NIN: variants seen among roughly 807,000 people sequenced by gnomAD.
The protein encoded by NIN is ninein.
A neutral mutation model predicts 257.6 loss-of-function variants in NIN; 137 were observed. The ratio of observed to expected loss-of-function variants is 0.53; its 90% CI spans 0.46 to 0.61. The LOEUF is 0.61. Among genes scored for constraint, NIN ranks in the 20% least tolerant of loss-of-function variants. The pLI is 0.00. For synonymous variants in NIN, 918 were observed against 919.8 expected (o/e 1.00, Z 0.04); for missense variants, 2,439 against 2,501.2 (o/e 0.98, Z 0.53).
chr14:50,792,709 T>C lies in NIN; in HGVS notation c.435+3A>G. The C allele has an allele frequency of 6.2e-7, 1 of 1,614,138 alleles. No homozygotes were observed. The highest frequency in any genetic ancestry group is 8.5e-7 in the Non-Finnish European group (1 of 1,180,022). ...AGATGAACGTGCATGCCCGATTCCT[T>C]ACCTCACTGCAGTCACCGGCTGGGA... On this transcript the variant is annotated splice_donor_region_variant and intron_variant, in intron 5 of 30. Coordinates refer to ENST00000530997, the MANE Select transcript of NIN (RefSeq NM_020921.4).
At chr14:50,759,011 G>A (rs894198843) in intron 17 of NIN, among the ~76,000 whole-genome samples, 2 of 152,248 alleles carry the variant, frequency 1.3e-5, no homozygotes, top group Middle Eastern at 3.4e-3. Flanking sequence ...TTAAGCATGC[G>A]TTATAGGATA....
At chr14:50,734,066 ATTTCTTCTT>A (rs1481949996) in intron 28 of NIN, among the ~76,000 whole-genome samples, 2 of 148,990 alleles carry the variant, frequency 1.3e-5, no homozygotes, top group Non-Finnish European at 3.0e-5. Context: ...AAATAGCTCC[ATTTCTTCTT>A]TTTCTTCTTT....
At chr14:50,741,772 G>T in intron 24 of NIN, 44 bp from the exon 25 acceptor site, 2 of 1,599,304 alleles carry the variant, frequency 1.3e-6, no homozygotes, top group Non-Finnish European at 8.5e-7. Flanking sequence ...AAACTCTTGT[G>T]GTCTCACCTC....
At chr14:50,725,799 G>A in intron 30 of NIN, 154 bp downstream of exon 30, 1 of 1,388,480 alleles carries the variant, frequency 7.2e-7, no homozygotes, top group Non-Finnish European at 9.9e-7. Context: ...GTGATATGAG[G>A]GATAGCAAAT....
chr14:50,752,578 C>G lies in NIN; in HGVS notation c.4890G>C (p.Leu1630Phe). The change falls in exon 21 of 31, where the codon TTG becomes TTC. Residue 1630 changes from leucine to phenylalanine, a missense_variant. Leu to Phe is a conservative substitution (Grantham distance 22). Around this residue, in one of 3 missense-constraint regions of NIN, gnomAD observed 2,043 missense variants for 2,050.2 expected, o/e 1.00. Transcript: ENST00000530997. ...QKEKEPGNSA[L>F]EEREQEKFNL... ...TAAACTTCTCTTGTTCCCGTTCCTC[C>G]AATGCACTGTTTCCTGGCTCTTTTT... The G allele has an allele frequency of 6.2e-7, 1 of 1,614,074 alleles. No homozygotes were observed. The highest frequency in any genetic ancestry group is 1.1e-5 in the South Asian group (1 of 91,078).
In NIN at chr14:50,773,031, T is replaced by C; in HGVS notation, c.731A>G (p.Tyr244Cys). The stretch of plus-strand genomic sequence containing the variant: ...AGATTTTCCATTTTTAAACAAACCA[T>C]AGAAAAAATCTTCTACACTCATTGT... ...DGTMSVEDFF[Y>C]GLFKNGKSLT... Residue 244 changes from tyrosine (Y) to cysteine (C), a missense_variant, in exon 8 of 31, where the codon TAT becomes TGT. By Grantham distance (194) the Tyr-to-Cys change is radical. Transcript: ENST00000530997. The C allele has an allele frequency of 1.9e-6, 3 of 1,612,788 alleles. No homozygotes were observed. Among genetic ancestry groups the C allele is most frequent in the Middle Eastern group, 1.7e-4 (1 of 6,030 alleles).
chr14:50,727,528 T>A, intron 29 of NIN: 1 of 1,238,740 alleles, frequency 8.1e-7, no homozygotes. Context: ...ATAAGAGACA[T>A]AATACTGCAA....
chr14:50,743,401 G>A lies in NIN; in HGVS notation c.5301+15C>T, dbSNP rs1446087681. 6.7e-7 allele frequency: 1 copy of A among 1,489,306 alleles called. No homozygotes were observed. Among genetic ancestry groups the A allele is most frequent in the African/African-American group, 1.4e-5 (1 of 72,524 alleles). The allele number at this position is 1,489,306 out of a possible 1,614,324, so 92.3% of individuals were successfully genotyped here. On this transcript the variant is annotated intron_variant, in intron 24 of 30. Transcript: ENST00000530997. ...AATACTAACCGTGAAGATGAAACAAGAATTGTCCATGTACCTTTTCCTGAG... is the reference window on the plus strand; with the variant it reads ...AATACTAACCGTGAAGATGAAACAAAAATTGTCCATGTACCTTTTCCTGAG...
intron 28 of NIN, among the ~76,000 whole-genome samples, chr14:50,733,626 C>G (rs964624572): frequency 5.3e-5 from 8 of 152,168 alleles, no homozygotes; most frequent in African/African-American, 1.9e-4. Context: ...AAAACAGGAA[C>G]AGGCAGGAGA....
chr14:50,738,062 T>C (rs1167723807), intron 27 of NIN, 78 bp downstream of exon 27: 4 of 1,418,756 alleles, frequency 2.8e-6, no homozygotes, highest in Non-Finnish European at 3.9e-6. Flanking sequence ...TCCTTAGAAG[T>C]ACACCTGAGA....
intron 22 of NIN, 111 bp from the exon 23 acceptor site, chr14:50,744,476 A>G (rs1361051502): frequency 8.7e-7 from 1 of 1,151,018 alleles, no homozygotes; most frequent in African/African-American, 1.5e-5. Context: ...CTATCTGTGG[A>G]TATTTCAGAG....
chr14:50,734,742 T>C (rs966645942), intron 28 of NIN, among the ~76,000 whole-genome samples: 7 of 152,156 alleles, frequency 4.6e-5, no homozygotes, highest in African/African-American at 1.7e-4. Flanking sequence ...TGCAGTGGTG[T>C]GATCTCAGCT....
rs765922869 is a variant in NIN at position 50,758,095 on chromosome 14, C to T, written c.2935G>A (p.Glu979Lys). The T allele has an allele frequency of 9.9e-6, 16 of 1,614,060 alleles. No individual in the cohort carries two copies. The Admixed American group carries it at 2.0e-4, about 20-fold the overall frequency. The change falls in exon 18 of 31, where the codon GAA becomes AAA. Residue 979 changes from glutamate (E) to lysine (K), a missense_variant. Glu to Lys is a moderately conservative substitution (Grantham distance 56, BLOSUM62 1). Transcript: ENST00000530997. Reference protein sequence around the residue: ...LERLEMEHDQERQEMMSKLLA... With the variant: ...LERLEMEHDQKRQEMMSKLLA... The stretch of plus-strand genomic sequence containing the variant: ...AGCTTGGACATCATTTCCTGCCTTT[C>T]CTGGTCATGTTCCATTTCTAGTCTT...
At chr14:50,824,582 AT>A (rs923853698) in intron 2 of NIN, among the ~76,000 whole-genome samples, 2 of 152,106 alleles carry the variant, frequency 1.3e-5, no homozygotes, top group African/African-American at 2.4e-5. Context: ...ATGTGCAAGA[AT>A]TTTTTTCTCC....
In NIN at chr14:50,752,510, G is replaced by A. The variant is rs1301140677; in HGVS notation, c.4950+8C>T. The A allele has an allele frequency of 6.2e-7, 1 of 1,607,504 alleles. No individual in the cohort carries two copies. The highest frequency in any genetic ancestry group is 1.3e-5 in the African/African-American group (1 of 74,766). On this transcript the variant is annotated splice_region_variant and intron_variant, in intron 21 of 30. Coordinates refer to ENST00000530997, the MANE Select transcript of NIN (RefSeq NM_020921.4). ...CAAAAAAAGCTGTCAGGTGGCTACA[G>A]GCCATACCTGCACTTTACAACGTTC...
chr14:50,761,600 A>G (rs2140878940), intron 16 of NIN, among the ~76,000 whole-genome samples, 190 bp downstream of exon 16: 1 of 152,298 alleles, frequency 6.6e-6, no homozygotes, highest in African/African-American at 2.4e-5. Context: ...AGGGCTGAAG[A>G]TATTACATTT....
chr14:50,822,931 A>C (rs746422380), intron 2 of NIN, among the ~76,000 whole-genome samples: 13 of 152,126 alleles, frequency 8.5e-5, no homozygotes, highest in Non-Finnish European at 1.8e-4. Flanking sequence ...GTTTATATGA[A>C]TCATACAGCA....
chr14:50,774,997 A>G (rs2042867513), intron 7 of NIN, among the ~76,000 whole-genome samples: 1 of 152,180 alleles, frequency 6.6e-6, no homozygotes. Context: ...CTGAAGTGTA[A>G]GTTGGAAAAT....
At chr14:50,741,772 GGT>G (rs1421862944) in intron 24 of NIN, 44 bp from the exon 25 acceptor site, 1 of 1,599,306 alleles carries the variant, frequency 6.3e-7, no homozygotes, top group Non-Finnish European at 8.5e-7. Flanking sequence ...AAACTCTTGT[GGT>G]CTCACCTCTA....
Sources: gnomAD v4.1 joint callset for allele counts (sites outside exome capture counted in the v4.1 genomes callset) on GRCh38, gnomAD v4.1.1 for gene constraint, gnomAD v4.1.1 regional missense constraint, MANE v1.5 for transcripts, NCBI Gene and HGNC (gene_info 2026-07-23, HGNC 2026-07-21) for gene names.